FRYL: variants seen among roughly 807,000 people sequenced by gnomAD.
FRYL encodes the protein protein furry homolog-like.
FRYL carries 150 observed loss-of-function variants against 351.2 expected under a neutral mutation model. That is an observed-to-expected ratio of 0.43 (90% confidence interval 0.37 to 0.49). The LOEUF (loss-of-function observed/expected upper bound fraction) is 0.49. Among genes scored for constraint, FRYL ranks in the 20% least tolerant of loss-of-function variants. The pLI is 0.00. For missense variants in FRYL, 3,036 were observed against 3,619.3 expected, an observed-to-expected ratio of 0.84 and a Z score of 4.13; for synonymous variants, 1,153 against 1,257.1, an observed-to-expected ratio of 0.92 and a Z score of 1.75.
intron 2 of FRYL, among the ~76,000 whole-genome samples, chr4:48,708,210 C>T (rs1343687834): frequency 5.3e-5 from 8 of 150,974 alleles, no homozygotes; most frequent in Admixed American, 1.3e-4. Flanking sequence ...ACCCAGGAGG[C>T]GGAGGTTGCA....
At position 48,563,005 on chromosome 4, in the gene FRYL, C is replaced by T. The variant is rs1197970229; in HGVS notation, c.3597-17G>A. On this transcript the variant is annotated splice_polypyrimidine_tract_variant and intron_variant, in intron 31 of 63. Coordinates refer to ENST00000358350, the MANE Select transcript of FRYL (RefSeq NM_015030.2). ...TGATAATCCCTAGGAATAAATTTTA[C>T]ATATTAAGTAAATAACAATGTTTAG... The T allele has an allele frequency of 7.1e-6, 10 of 1,417,858 alleles. No individual in the cohort carries two copies. The highest frequency in any genetic ancestry group is 1.8e-4 in the Middle Eastern group (1 of 5,648). 87.8% of individuals were successfully genotyped at this position (1,417,858 alleles called of 1,614,324 possible). A position where few individuals can be genotyped will look rare whatever the true frequency, so the allele number is the denominator to read the frequency against.
intron 59 of FRYL, chr4:48,505,851 C>CT (rs1720798978): frequency 2.3e-6 from 1 of 426,732 alleles, no homozygotes; most frequent in African/African-American, 2.0e-5. Context: ...AAAACCCATT[C>CT]CATTCTAGGG....
intron 13 of FRYL, among the ~76,000 whole-genome samples, chr4:48,599,321 G>A (rs1745233290): frequency 6.6e-6 from 1 of 152,132 alleles, no homozygotes. Flanking sequence ...AGGAATGGGA[G>A]AATACCAAAT....
intron 1 of FRYL, among the ~76,000 whole-genome samples, chr4:48,744,814 T>A (rs372882440): frequency 3.9e-5 from 6 of 152,354 alleles, no homozygotes; most frequent in African/African-American, 1.4e-4. Context: ...AAGATTACAA[T>A]GTTTATTATG....
chr4:48,505,955 G>A (rs1469884928), intron 59 of FRYL: 1 of 189,628 alleles, frequency 5.3e-6, no homozygotes, highest in Non-Finnish European at 1.1e-5. Context: ...TGTAACGTAA[G>A]ACGGGGAAAG....
rs970886845 is a variant in FRYL, at chr4:48,557,630, G to A, written c.3948C>T (p.Ile1316=). The change falls in exon 34 of 64, where the codon ATC becomes ATT. Residue 1316 remains isoleucine, a synonymous_variant. Coordinates refer to ENST00000358350, the MANE Select transcript of FRYL (RefSeq NM_015030.2). ...GGAGAGGTTTTAAGTCCACCAGCTC[G>A]ATGTTGTTCATCCATGGTAGCAGGT... The part of the protein sequence containing the change: ...LHYLLPWMNN[I]ELVDLKPLPT... 4 of 1,614,002 alleles carry A rather than the reference G, an allele frequency of 2.5e-6. No individual in the cohort carries two copies. The highest frequency in any genetic ancestry group is 1.7e-5 in the Admixed American group (1 of 59,998).
chr4:48,605,566 T>C (rs551309007), intron 11 of FRYL, among the ~76,000 whole-genome samples, 175 bp downstream of exon 11: 19 of 152,154 alleles, frequency 1.2e-4, no homozygotes, highest in East Asian at 3.8e-4. Context: ...CTCTAAAACA[T>C]TGTATGATCA....
chr4:48,660,889 T>C (rs1038263709), intron 3 of FRYL, among the ~76,000 whole-genome samples: 1 of 152,036 alleles, frequency 6.6e-6, no homozygotes, highest in South Asian at 2.1e-4. Flanking sequence ...TCCAACATTA[T>C]CAAGATCATT....
chr4:48,756,199 C>T (rs998339185), intron 1 of FRYL, among the ~76,000 whole-genome samples: 1 of 150,012 alleles, frequency 6.7e-6, no homozygotes, highest in Non-Finnish European at 1.5e-5. Flanking sequence ...CACCACCACA[C>T]TCCAACCTAG....
At chr4:48,721,136 C>T (rs1258499543) in intron 1 of FRYL, among the ~76,000 whole-genome samples, 1 of 152,112 alleles carries the variant, frequency 6.6e-6, no homozygotes, top group Non-Finnish European at 1.5e-5. Flanking sequence ...ATTTTGTTTT[C>T]ATTATAGAAC....
chr4:48,596,064 TTC>T, intron 13 of FRYL, 64 bp from the exon 14 acceptor site: 1 of 1,065,568 alleles, frequency 9.4e-7, no homozygotes. Context: ...AGCAAACATA[TTC>T]TCTGTCAACA....
At chr4:48,544,683 G>C in intron 43 of FRYL, 100 bp downstream of exon 43, 1 of 899,880 alleles carries the variant, frequency 1.1e-6, no homozygotes, top group Non-Finnish European at 1.6e-6. Context: ...AAAACTTTTA[G>C]AGGTATCACA....
intron 27 of FRYL, among the ~76,000 whole-genome samples, chr4:48,569,142 T>G (rs1173484290): frequency 6.6e-6 from 1 of 152,206 alleles, no homozygotes; most frequent in Non-Finnish European, 1.5e-5. Context: ...ATAGAACCAT[T>G]CAAAGATTCT....
At chr4:48,646,209 A>T (rs1186561717) in intron 3 of FRYL, among the ~76,000 whole-genome samples, 1 of 152,150 alleles carries the variant, frequency 6.6e-6, no homozygotes, top group Non-Finnish European at 1.5e-5. Context: ...TTTCTGTATC[A>T]TATATCAATA....
chr4:48,695,967 C>A lies in FRYL; in HGVS notation c.-203-11172G>T, dbSNP rs191363660. 2.6e-5 allele frequency among the ~76,000 whole-genome samples: 4 copies of A among 152,252 alleles called. No homozygotes were observed. In the East Asian group the frequency reaches 7.7e-4, roughly 29 times the overall value. On this transcript the variant is annotated intron_variant, in intron 2 of 63. Coordinates refer to ENST00000358350, the MANE Select transcript of FRYL (RefSeq NM_015030.2). ...ATCATTAGAGAAATGCAAATCAAAA[C>A]CACAATGAAATACCATCTCACGCCA...
At position 48,564,069 on chromosome 4, in the gene FRYL, A is replaced by G. The variant is rs1736172882; in HGVS notation, c.3475T>C (p.Leu1159=). Residue 1159 remains leucine, a synonymous_variant, in exon 31 of 64, where the codon TTA becomes CTA. Coordinates refer to ENST00000358350, the MANE Select transcript of FRYL (RefSeq NM_015030.2). ...CTCTGATCAGGGTTCAGCTCCAGTA[A>G]CAACGTAACTGCTTCACAGCCCAGC... ...HQLGCEAVTL[L]LELNPDQSNL... 1.2e-6 allele frequency: 2 copies of G among 1,614,086 alleles called. No homozygotes were observed. The highest frequency in any genetic ancestry group is 1.3e-5 in the African/African-American group (1 of 74,944).
chr4:48,532,352 C>T (rs1365492574), intron 49 of FRYL, among the ~76,000 whole-genome samples: 1 of 152,134 alleles, frequency 6.6e-6, no homozygotes, highest in Non-Finnish European at 1.5e-5. Flanking sequence ...ATTTTAAGAA[C>T]AGCACTGTAA....
chr4:48,615,017 G>A (rs902132596), intron 7 of FRYL, among the ~76,000 whole-genome samples: 23 of 151,860 alleles, frequency 1.5e-4, no homozygotes, highest in African/African-American at 2.7e-4. Context: ...TAGTAGAAAC[G>A]GGGTTTCACC....
At chr4:48,719,604 A>G (rs529152400) in intron 1 of FRYL, among the ~76,000 whole-genome samples, 1 of 151,752 alleles carries the variant, frequency 6.6e-6, no homozygotes, top group East Asian at 1.9e-4. Flanking sequence ...AAAACAAAAC[A>G]ACAGAAATAT....
Sources: allele counts gnomAD v4.1 joint callset (sites outside exome capture counted in the v4.1 genomes callset), GRCh38; gene constraint gnomAD v4.1.1; transcripts MANE v1.5; gene names NCBI Gene and HGNC (gene_info 2026-07-23, HGNC 2026-07-21).